The following NDST3 variants were observed in gnomAD, a reference collection of about 807,000 sequenced individuals.
NDST3 encodes N-deacetylase and N-sulfotransferase 3, also known as bifunctional heparan sulfate N-deacetylase/N-sulfotransferase 3.
Under a neutral mutation model 96.1 loss-of-function variants are expected in NDST3, and 58 were observed. The ratio of observed to expected loss-of-function variants is 0.60; its 90% CI spans 0.49 to 0.75. The LOEUF (loss-of-function observed/expected upper bound fraction) is 0.75. Ranked by LOEUF, NDST3 falls within the 30% of genes least tolerant of loss-of-function variation. The probability of loss-of-function intolerance (pLI) is 0.00; values close to 1 mark genes in which losing one functional copy is unlikely to be tolerated. For missense variants in NDST3, 788 were observed against 1,034.2 expected (o/e 0.76, Z 3.27); for synonymous variants, 333 against 359.7 (o/e 0.93, Z 0.84).
chr4:118,048,706 T>C (rs1476713435), intron 1 of NDST3, among the ~76,000 whole-genome samples: 4 of 152,054 alleles, frequency 2.6e-5, no homozygotes, highest in African/African-American at 9.7e-5. Flanking sequence ...ACACCCAACA[T>C]TGGAGCACCT....
intron 8 of NDST3, among the ~76,000 whole-genome samples, chr4:118,229,175 C>A (rs541426051): frequency 9.2e-5 from 14 of 152,144 alleles, no homozygotes; most frequent in African/African-American, 3.4e-4. Flanking sequence ...GTGGCGTGCA[C>A]CTGTAGTCCC....
At chr4:118,132,825 T>C (rs1430452871) in intron 4 of NDST3, among the ~76,000 whole-genome samples, 3 of 152,136 alleles carry the variant, frequency 2.0e-5, no homozygotes, top group African/African-American at 7.2e-5. Flanking sequence ...TGGGTTCCCT[T>C]TTGTCCTAGA....
intron 5 of NDST3, among the ~76,000 whole-genome samples, chr4:118,143,238 T>C (rs1004591747): frequency 2.0e-5 from 3 of 150,020 alleles, no homozygotes; most frequent in Non-Finnish European, 4.4e-5. Context: ...TTTTTACTTC[T>C]TTTTTTTTAA....
At chr4:118,055,935 G>C (rs1725400506) in intron 2 of NDST3, among the ~76,000 whole-genome samples, 1 of 151,906 alleles carries the variant, frequency 6.6e-6, no homozygotes, top group African/African-American at 2.4e-5. Flanking sequence ...TACTGTAAGA[G>C]AGTGTGAAGA....
At position 118,143,680 on chromosome 4, in the gene NDST3, A is replaced by G; in HGVS notation, c.1535A>G (p.Asn512Ser). The change falls in exon 6 of 14, where the codon AAC becomes AGC. Residue 512 changes from asparagine (N) to serine (S), a missense_variant. Coordinates refer to ENST00000296499, the MANE Select transcript of NDST3 (RefSeq NM_004784.3). The stretch of plus-strand genomic sequence containing the variant: ...GAACTTTTCTTCACTGTCGTCCTCA[A>G]CCCTGTAAGTACTTTATTCTCCAAA... Reference protein sequence around the residue: ...GGELFFTVVLNPISIFMTHLS... With the variant: ...GGELFFTVVLSPISIFMTHLS... 1 of 1,591,188 alleles carries G rather than the reference A, an allele frequency of 6.3e-7. No homozygotes were observed. Among genetic ancestry groups the G allele is most frequent in the Non-Finnish European group, 8.5e-7 (1 of 1,173,688 alleles).
intron 2 of NDST3, among the ~76,000 whole-genome samples, chr4:118,076,299 T>C (rs1727525319): frequency 6.6e-6 from 1 of 152,132 alleles, no homozygotes. Context: ...TTGTATAGTA[T>C]CTCACAGGGG....
chr4:118,047,953 A>G lies in NDST3; in HGVS notation c.-155-5803A>G, dbSNP rs1420455033. The stretch of plus-strand genomic sequence containing the variant: ...AGATTCACCAAGGTCAATGCAAAAG[A>G]AAAAATCTTAAAGGCAGCTAGAGAG... On this transcript the variant is annotated intron_variant, in intron 1 of 13. Transcript: ENST00000296499. 3.3e-5 allele frequency among the ~76,000 whole-genome samples: 5 copies of G among 152,304 alleles called. No individual in the cohort carries two copies. The East Asian group carries it at 7.7e-4, about 24-fold the overall frequency.
chr4:118,041,472 CT>C (rs1724462588), intron 1 of NDST3, among the ~76,000 whole-genome samples: 1 of 151,404 alleles, frequency 6.6e-6, no homozygotes, highest in African/African-American at 2.4e-5. Flanking sequence ...TCGAACCTAA[CT>C]ATTTCAGAAT....
chr4:118,085,909 A>T (rs1728381770), intron 2 of NDST3, among the ~76,000 whole-genome samples: 2 of 152,218 alleles, frequency 1.3e-5, no homozygotes, highest in African/African-American at 4.8e-5. Flanking sequence ...TACTGAGAAC[A>T]TCAGCCATTA....
chr4:118,133,547 C>G (rs867895844), intron 4 of NDST3, among the ~76,000 whole-genome samples: 6 of 152,116 alleles, frequency 3.9e-5, no homozygotes, highest in Admixed American at 3.3e-4. Flanking sequence ...GATTGCTTAC[C>G]TGATTTTTTG....
chr4:118,218,289 C>T (rs907748796), intron 6 of NDST3, among the ~76,000 whole-genome samples: 9 of 152,064 alleles, frequency 5.9e-5, no homozygotes, highest in African/African-American at 2.2e-4. Context: ...CATGAAAATC[C>T]TCAGTAAAAT....
At chr4:118,167,359 G>A (rs908012077) in intron 6 of NDST3, among the ~76,000 whole-genome samples, 1 of 151,908 alleles carries the variant, frequency 6.6e-6, no homozygotes, top group African/African-American at 2.4e-5. Flanking sequence ...TCCCAAGTCA[G>A]TAAGCAACTT....
chr4:118,226,939 T>A lies in NDST3; in HGVS notation c.1776T>A (p.Cys592Ter). Reference sequence around the variant, plus strand: ...ACATTTGGTCTAAAGAAAAAACTTGTGATCGCTTACCAAAATTCTTGGTAA... The same window carrying A: ...ACATTTGGTCTAAAGAAAAAACTTGAGATCGCTTACCAAAATTCTTGGTAA... ...HRDIWSKEKTCDRLPKFLVIG... is the reference protein window; with the variant it reads ...HRDIWSKEKT The change falls in exon 8 of 14, where the codon TGT becomes TGA. Residue 592 changes from cysteine to a stop codon, truncating the protein, a stop_gained. Coordinates refer to ENST00000296499, the MANE Select transcript of NDST3 (RefSeq NM_004784.3). LOFTEE classifies it high-confidence loss of function. 1 of 1,613,764 alleles carries A rather than the reference T, an allele frequency of 6.2e-7. No individual in the cohort carries two copies.
intron 12 of NDST3, among the ~76,000 whole-genome samples, chr4:118,249,683 G>T (rs1312392364): frequency 6.6e-6 from 1 of 151,576 alleles, no homozygotes; most frequent in Non-Finnish European, 1.5e-5. Flanking sequence ...CATAGGGCTA[G>T]AGTTATAAAT....
intron 4 of NDST3, among the ~76,000 whole-genome samples, chr4:118,121,065 T>G (rs1731525172): frequency 6.6e-6 from 1 of 152,186 alleles, no homozygotes; most frequent in Non-Finnish European, 1.5e-5. Context: ...AATTGTCCCT[T>G]TAATATTCCA....
At chr4:118,190,808 C>T (rs974975302) in intron 6 of NDST3, among the ~76,000 whole-genome samples, 3 of 152,170 alleles carry the variant, frequency 2.0e-5, no homozygotes, top group Non-Finnish European at 4.4e-5. Context: ...AGGCTCTGAA[C>T]CAAAACATAA....
At chr4:118,228,036 G>A (rs1740022087) in intron 8 of NDST3, among the ~76,000 whole-genome samples, 1 of 152,146 alleles carries the variant, frequency 6.6e-6, no homozygotes, top group Non-Finnish European at 1.5e-5. Context: ...TGGCTTCACA[G>A]AAAACAGCCT....
At chr4:118,068,166 CT>C (rs34891564) in intron 2 of NDST3, among the ~76,000 whole-genome samples, 16,485 of 84,224 alleles carry the variant, frequency 0.2, 572 homozygotes, top group African/African-American at 0.25. Flanking sequence ...TACTTGATCT[CT>C]TTTTTTTTTT....
intron 4 of NDST3, among the ~76,000 whole-genome samples, chr4:118,124,583 T>C (rs1731885899): frequency 6.6e-6 from 1 of 152,046 alleles, no homozygotes; most frequent in African/African-American, 2.4e-5. Context: ...TGTGTTCTCC[T>C]AAATCTGTAT....
Sources: gnomAD v4.1 joint callset for allele counts (sites outside exome capture counted in the v4.1 genomes callset) on GRCh38, gnomAD v4.1.1 for gene constraint, MANE v1.5 for transcripts, NCBI Gene and HGNC (gene_info 2026-07-23, HGNC 2026-07-21) for gene names.